The following ICA1 variants were observed in gnomAD, a reference collection of about 807,000 sequenced individuals.
ICA1 encodes islet cell autoantigen 1.
A neutral mutation model predicts 71.0 loss-of-function variants in ICA1; 40 were observed. The ratio of observed to expected loss-of-function variants is 0.56; its 90% CI spans 0.44 to 0.73. The LOEUF is 0.73. Ranked by LOEUF, ICA1 falls within the 30% of genes least tolerant of loss-of-function variation. The pLI is 0.00. For missense variants in ICA1, 578 were observed against 576.5 expected (o/e 1.00, Z -0.03); for synonymous variants, 207 against 209.5 (o/e 0.99, Z 0.10).
rs1288186692 is a variant in ICA1, at chr7:8,226,359, T to C, written c.256+2242A>G. Among the ~76,000 whole-genome samples, 2 of 152,188 alleles carry C rather than the reference T, an allele frequency of 1.3e-5. No individual in the cohort carries two copies. The highest frequency in any genetic ancestry group is 2.9e-5 in the Non-Finnish European group (2 of 68,046). ...TGCTCTCTAGATATAGATATAGATA[T>C]AGATGGTAAAATGTGATGCAATGTA... On this transcript the variant is annotated intron_variant, in intron 4 of 13. Coordinates refer to ENST00000402384, the MANE Select transcript of ICA1 (RefSeq NM_001136020.3). The surrounding 1 kb of genome is among the most constrained non-coding windows in gnomAD (Gnocchi z 4.4).
chr7:8,260,425 CCAG>C (rs1386695345), intron 1 of ICA1, among the ~76,000 whole-genome samples: 1 of 152,152 alleles, frequency 6.6e-6, no homozygotes, highest in African/African-American at 2.4e-5. Flanking sequence ...CAATTACCAT[CCAG>C]TATCTTTAGC....
At chr7:8,232,802 TAAGATA>T in intron 2 of ICA1, 47 bp from the exon 3 acceptor site, 1 of 1,432,294 alleles carries the variant, frequency 7.0e-7, no homozygotes, top group Non-Finnish European at 9.3e-7. Flanking sequence ...TCATAAAGAT[TAAGATA>T]TTTTAGTGTG....
At chr7:8,212,902 C>T (rs1794269808) in intron 6 of ICA1, among the ~76,000 whole-genome samples, 1 of 152,214 alleles carries the variant, frequency 6.6e-6, no homozygotes. Context: ...AAAGATGAGG[C>T]TTTCATCCAA....
At chr7:8,208,554 T>A (rs1481554671) in intron 6 of ICA1, among the ~76,000 whole-genome samples, 3 of 152,210 alleles carry the variant, frequency 2.0e-5, no homozygotes, top group Non-Finnish European at 4.4e-5. Context: ...TTCATCTTGG[T>A]GAATAAGACG....
intron 13 of ICA1, among the ~76,000 whole-genome samples, chr7:8,119,707 G>A (rs1262722616): frequency 3.9e-5 from 6 of 152,156 alleles, no homozygotes; most frequent in Non-Finnish European, 8.8e-5. Flanking sequence ...TTAGCCGGGT[G>A]TGGTGGCGGG....
intron 1 of ICA1, among the ~76,000 whole-genome samples, chr7:8,244,688 C>CA (rs1805292178): frequency 6.6e-6 from 1 of 152,226 alleles, no homozygotes; most frequent in South Asian, 2.1e-4. Flanking sequence ...CCAGAATCGA[C>CA]AAAGAATGTA....
At chr7:8,129,392 C>T (rs1415599310) in intron 12 of ICA1, among the ~76,000 whole-genome samples, 1 of 148,502 alleles carries the variant, frequency 6.7e-6, no homozygotes, top group East Asian at 2.0e-4. Context: ...AAAAAAAGTT[C>T]TCTGTGTTGG....
intron 5 of ICA1, among the ~76,000 whole-genome samples, chr7:8,220,329 C>G (rs1796665452): frequency 6.6e-6 from 1 of 152,130 alleles, no homozygotes; most frequent in African/African-American, 2.4e-5. Context: ...CTCTTTTTTC[C>G]TCCTCTTTCT....
In ICA1 at chr7:8,204,800, A is replaced by C. The variant is rs139784674; in HGVS notation, c.579+13505T>G. 7.2e-3 allele frequency among the ~76,000 whole-genome samples: 1,098 copies of C among 152,238 alleles called. 10 individuals carry two copies. Among genetic ancestry groups the C allele is most frequent in the Non-Finnish European group, 0.012 (798 of 68,008 alleles). On this transcript the variant is annotated intron_variant, in intron 6 of 13. Coordinates refer to ENST00000402384, the MANE Select transcript of ICA1 (RefSeq NM_001136020.3). ...TCGTAAGAAAGTTCATCAAATCTTCATTATATTTTCAAAATACTCTTTCCT... is the reference window on the plus strand; with the variant it reads ...TCGTAAGAAAGTTCATCAAATCTTCCTTATATTTTCAAAATACTCTTTCCT...
intron 10 of ICA1, among the ~76,000 whole-genome samples, chr7:8,139,453 T>C (rs10255341): frequency 0.76 from 116,306 of 152,130 alleles, 44,726 homozygotes; most frequent in East Asian, 1. Context: ...TCCAATTATA[T>C]GACATTTTGG....
chr7:8,210,397 G>A (rs902254007), intron 6 of ICA1, among the ~76,000 whole-genome samples: 7 of 152,144 alleles, frequency 4.6e-5, no homozygotes, highest in Non-Finnish European at 8.8e-5. Flanking sequence ...TTGCACAAAC[G>A]TAACTGAAAA....
chr7:8,238,274 T>C lies in ICA1; in HGVS notation c.-79-2269A>G, dbSNP rs186579609. 6.6e-5 allele frequency among the ~76,000 whole-genome samples: 10 copies of C among 152,334 alleles called. No homozygotes were observed. The East Asian group carries it at 1.7e-3, about 26-fold the overall frequency. ...CAAGCCCACTGATGGTATGCAAGGGTCCCACTTTCTCCACATCCTTGTTAA... is the reference window on the plus strand; with the variant it reads ...CAAGCCCACTGATGGTATGCAAGGGCCCCACTTTCTCCACATCCTTGTTAA... On this transcript the variant is annotated intron_variant, in intron 1 of 13. Coordinates refer to ENST00000402384, the MANE Select transcript of ICA1 (RefSeq NM_001136020.3).
intron 6 of ICA1, among the ~76,000 whole-genome samples, chr7:8,195,594 C>T (rs952791320): frequency 6.1e-5 from 9 of 146,554 alleles, no homozygotes; most frequent in South Asian, 4.3e-4. Flanking sequence ...AAAATGGTAT[C>T]GCCACTTTGA....
At chr7:8,211,108 C>A (rs1196713345) in intron 6 of ICA1, among the ~76,000 whole-genome samples, 4 of 152,216 alleles carry the variant, frequency 2.6e-5, no homozygotes, top group African/African-American at 9.7e-5. Flanking sequence ...ACGATAAACA[C>A]CATTTACTCC....
chr7:8,166,215 C>G (rs1360790514), intron 6 of ICA1, among the ~76,000 whole-genome samples: 1 of 152,062 alleles, frequency 6.6e-6, no homozygotes, highest in East Asian at 1.9e-4. Context: ...AAAGAACCTT[C>G]AATTTACTTC....
At position 8,173,940 on chromosome 7, in the gene ICA1, T is replaced by C. The variant is rs1006229848; in HGVS notation, c.580-15288A>G. On this transcript the variant is annotated intron_variant, in intron 6 of 13. Transcript: ENST00000402384. The surrounding 1 kb of genome is among the most constrained non-coding windows in gnomAD (Gnocchi z 4.0). ...ACAATAAATAACAAAAGTAAACATA[T>C]TGTCTGTTGGTGAAAATAAAGCATT... is the stretch of plus-strand genomic sequence containing the variant. 1.3e-5 allele frequency among the ~76,000 whole-genome samples: 2 copies of C among 152,116 alleles called. No homozygotes were observed. Among genetic ancestry groups the C allele is most frequent in the African/African-American group, 4.8e-5 (2 of 41,428 alleles).
chr7:8,156,975 A>C (rs1454494680), intron 8 of ICA1, 141 bp downstream of exon 8: 1 of 1,552,330 alleles, frequency 6.4e-7, no homozygotes, highest in African/African-American at 1.4e-5. Context: ...AAGAAAGAAA[A>C]AGACTCTGCT....
At chr7:8,125,135 T>TA (rs1167260875) in intron 13 of ICA1, among the ~76,000 whole-genome samples, 2 of 152,106 alleles carry the variant, frequency 1.3e-5, no homozygotes, top group African/African-American at 2.4e-5. Context: ...GCAGAGGAAA[T>TA]AAAACTTCTA....
At chr7:8,257,891 C>A (rs1810774592) in intron 1 of ICA1, among the ~76,000 whole-genome samples, 1 of 152,186 alleles carries the variant, frequency 6.6e-6, no homozygotes, top group South Asian at 2.1e-4. Flanking sequence ...GGGCTCCAGA[C>A]ACGAGGACTA....
Sources: allele counts gnomAD v4.1 joint callset (sites outside exome capture counted in the v4.1 genomes callset), GRCh38; gene constraint gnomAD v4.1.1; non-coding constraint Gnocchi (gnomAD v3.1); transcripts MANE v1.5; gene names NCBI Gene and HGNC (gene_info 2026-07-23, HGNC 2026-07-21).